The following SLC17A1 variants were observed in gnomAD, a reference collection of about 807,000 sequenced individuals.
SLC17A1 encodes sodium-dependent phosphate transport protein 1.
A neutral mutation model predicts 53.5 loss-of-function variants in SLC17A1; 51 were observed. The observed-to-expected ratio is 0.95, with a 90% CI of 0.76 to 1.20. The LOEUF is 1.20. Among genes scored for constraint, SLC17A1 ranks in the 50% most tolerant of loss-of-function variants. The probability of loss-of-function intolerance (pLI) is 0.00; values close to 1 mark genes in which losing one functional copy is unlikely to be tolerated. For missense variants in SLC17A1, 538 were observed against 568.2 expected, an observed-to-expected ratio of 0.95 and a Z score of 0.54; for synonymous variants, 179 against 198.8, an observed-to-expected ratio of 0.90 and a Z score of 0.84.
intron 6 of SLC17A1, among the ~76,000 whole-genome samples, chr6:25,813,637 T>C (rs1764238281): frequency 6.6e-6 from 1 of 152,224 alleles, no homozygotes; most frequent in Non-Finnish European, 1.5e-5. Context: ...TAAACTTGTG[T>C]CATATGGGTT....
At chr6:25,761,735 C>G in the SLC17A1 span, among the ~76,000 whole-genome samples, 11,973 of 152,110 alleles carry the variant, frequency 0.079, 875 homozygotes, top group African/African-American at 0.2. Context: ...TACTAAGACC[C>G]AGGGTAAACT....
At chr6:25,791,596 TA>T (rs1344508968) in intron 12 of SLC17A1, among the ~76,000 whole-genome samples, 1 of 152,214 alleles carries the variant, frequency 6.6e-6, no homozygotes, top group Non-Finnish European at 1.5e-5. Flanking sequence ...AGCCATGCAA[TA>T]AACGTCTACA....
chr6:25,805,237 A>G (rs1317292166), intron 10 of SLC17A1, among the ~76,000 whole-genome samples: 2 of 152,070 alleles, frequency 1.3e-5, no homozygotes, highest in Non-Finnish European at 2.9e-5. Context: ...CTAGAAATCA[A>G]CTACAAAAGG....
chr6:25,784,883 G>A (rs974158078), intron 12 of SLC17A1, among the ~76,000 whole-genome samples: 1 of 152,088 alleles, frequency 6.6e-6, no homozygotes, highest in African/African-American at 2.4e-5. Context: ...AGCCACTTCT[G>A]CTCAACATTA....
At chr6:25,823,671 T>A (rs1423525354) in intron 3 of SLC17A1, among the ~76,000 whole-genome samples, 1 of 152,032 alleles carries the variant, frequency 6.6e-6, no homozygotes, top group African/African-American at 2.4e-5. Context: ...TTGTGTTTTT[T>A]AATTGAGTGT....
At chr6:25,740,951 T>C in the SLC17A1 span, among the ~76,000 whole-genome samples, 9 of 152,182 alleles carry the variant, frequency 5.9e-5, no homozygotes, top group African/African-American at 1.7e-4. Context: ...CTCAGTCATA[T>C]GTGGGAGCTA....
intron 6 of SLC17A1, among the ~76,000 whole-genome samples, chr6:25,817,657 C>T (rs1764404936): frequency 6.6e-6 from 1 of 152,210 alleles, no homozygotes. Context: ...CCTTGATCAA[C>T]AATGTTGGGC....
chr6:25,830,649 G>A, intron 1 of SLC17A1, 42 bp from the exon 2 acceptor site: 4 of 1,399,648 alleles, frequency 2.9e-6, no homozygotes, highest in Non-Finnish European at 4.0e-6. Context: ...AATGTAGAGA[G>A]GCAACTGACC....
intron 12 of SLC17A1, among the ~76,000 whole-genome samples, chr6:25,783,609 G>T (rs1301219015): frequency 6.6e-6 from 1 of 152,136 alleles, no homozygotes; most frequent in Admixed American, 6.6e-5. Flanking sequence ...AAAACACAGT[G>T]CACACCAGTG....
the SLC17A1 span, chr6:25,731,702 T>G: frequency 1.0e-6 from 1 of 961,374 alleles, no homozygotes; most frequent in East Asian, 2.7e-5. Flanking sequence ...AAATAAACAT[T>G]CTACAGCCCT....
chr6:25,785,937 A>G (rs1763373092), intron 12 of SLC17A1, among the ~76,000 whole-genome samples: 1 of 152,230 alleles, frequency 6.6e-6, no homozygotes, highest in African/African-American at 2.4e-5. Context: ...CGTTAAACCT[A>G]GAATTACCAC....
downstream of SLC17A1, among the ~76,000 whole-genome samples, chr6:25,782,132 C>T (rs530225370): frequency 1.3e-5 from 2 of 152,212 alleles, no homozygotes; most frequent in East Asian, 1.9e-4. Flanking sequence ...ACCTGACAGC[C>T]CAAGATGGTG....
chr6:25,748,286 A>G, the SLC17A1 span, among the ~76,000 whole-genome samples: 1 of 152,184 alleles, frequency 6.6e-6, no homozygotes, highest in South Asian at 2.1e-4. Flanking sequence ...ATGAGCTCAC[A>G]ATCTGAAATT....
intron 8 of SLC17A1, 68 bp downstream of exon 8, chr6:25,812,763 G>A (rs1347911613): frequency 2.9e-5 from 36 of 1,236,106 alleles, no homozygotes; most frequent in Non-Finnish European, 3.2e-5. Flanking sequence ...GACTAGGGTC[G>A]TTAGAGACAG....
Position 25,819,153 on chromosome 6 carries a change from C to T in SLC17A1, c.531G>A (p.Gly177=). The T allele has an allele frequency of 6.2e-7, 1 of 1,603,788 alleles. No individual in the cohort carries two copies. Among genetic ancestry groups the T allele is most frequent in the Non-Finnish European group, 8.5e-7 (1 of 1,175,820 alleles). Residue 177 remains glycine, a splice_region_variant and synonymous_variant, in exon 6 of 13, where the codon GGG becomes GGA. Transcript: ENST00000244527. ...RGRLTSMSTS[G]FLLGPFIVLL... is the part of the protein sequence containing the mutation. ...GGACAATAAAGGGTCCCAGCAAAAA[C>T]CCTAATCAGTAGGTACAAAGAACAC... is the stretch of plus-strand genomic sequence containing the variant.
chr6:25,811,890 A>G, intron 8 of SLC17A1, 120 bp from the exon 9 acceptor site: 1 of 1,028,300 alleles, frequency 9.7e-7, no homozygotes, highest in Non-Finnish European at 1.4e-6. Flanking sequence ...GGAAATCATC[A>G]ACATACAACA....
chr6:25,780,836 G>A (rs557140161), downstream of SLC17A1: 2 of 152,244 alleles, frequency 1.3e-5, no homozygotes, highest in South Asian at 2.1e-4. Context: ...TAAACCTGAC[G>A]GGTCCTATTA....
the SLC17A1 span, among the ~76,000 whole-genome samples, chr6:25,733,416 T>C: frequency 2.0e-5 from 3 of 152,160 alleles, no homozygotes. Context: ...GGAATGGGCA[T>C]ATCTAAACAT....
At chr6:25,810,277 T>C (rs1163125595) in intron 10 of SLC17A1, among the ~76,000 whole-genome samples, 1 of 152,002 alleles carries the variant, frequency 6.6e-6, no homozygotes, top group Admixed American at 6.6e-5. Context: ...TATATCAAAC[T>C]AAACAGCTTC....
Sources: allele counts gnomAD v4.1 joint callset (sites outside exome capture counted in the v4.1 genomes callset), GRCh38; gene constraint gnomAD v4.1.1; transcripts MANE v1.5; gene names NCBI Gene and HGNC (gene_info 2026-07-23, HGNC 2026-07-21).